The following SEMA3E variants were observed in gnomAD, a reference collection of about 807,000 sequenced individuals.
SEMA3E encodes semaphorin-3E.
SEMA3E carries 49 observed loss-of-function variants against 93.6 expected under a neutral mutation model. The ratio of observed to expected loss-of-function variants is 0.52; its 90% confidence interval spans 0.42 to 0.66. The LOEUF is 0.66. Among genes scored for constraint, SEMA3E ranks in the 30% least tolerant of loss-of-function variants. The pLI, the probability that SEMA3E is intolerant of heterozygous loss-of-function variation, is 0.00. For missense variants in SEMA3E, 906 were observed against 964.8 expected (o/e 0.94, Z 0.81); for synonymous variants, 363 against 330.7 (o/e 1.10, Z -1.06).
chr7:83,440,924 G>A (rs745364278), intron 4 of SEMA3E, among the ~76,000 whole-genome samples: 3 of 152,122 alleles, frequency 2.0e-5, no homozygotes, highest in Non-Finnish European at 2.9e-5. Context: ...AGACTGAGAA[G>A]TTATATTAGA....
At chr7:83,613,702 A>C (rs1227950059) in intron 1 of SEMA3E, among the ~76,000 whole-genome samples, 1 of 152,104 alleles carries the variant, frequency 6.6e-6, no homozygotes, top group Non-Finnish European at 1.5e-5. Context: ...AAAAATAATA[A>C]ACTTAAAACA....
At chr7:83,387,836 AACG>A (rs1787910650) in intron 14 of SEMA3E, among the ~76,000 whole-genome samples, 1 of 142,488 alleles carries the variant, frequency 7.0e-6, no homozygotes, top group Non-Finnish European at 1.5e-5. Context: ...ATATATATAT[AACG>A]TTATATATAT....
chr7:83,385,299 C>G lies in SEMA3E; in HGVS notation c.1870G>C (p.Glu624Gln). The G allele has an allele frequency of 6.2e-7, 1 of 1,613,162 alleles. No individual in the cohort carries two copies. Among genetic ancestry groups the G allele is most frequent in the Non-Finnish European group, 8.5e-7 (1 of 1,179,382 alleles). Reference sequence around the variant, plus strand: ...AATATGCAGCTATGAATTACCTCCTCTTTTCTTGTCTCACGTCCTTTCTGT... The same window carrying G: ...AATATGCAGCTATGAATTACCTCCTGTTTTCTTGTCTCACGTCCTTTCTGT... ...FVQKGRETRK[E>Q]EVKTDDRVVK... The change falls in exon 16 of 17, where the codon GAG (glutamate) becomes CAG (glutamine). Residue 624 changes from glutamate to glutamine, a missense_variant. Coordinates refer to ENST00000643230, the MANE Select transcript of SEMA3E (RefSeq NM_012431.3).
At chr7:83,427,294 A>G (rs1472652024) in intron 4 of SEMA3E, among the ~76,000 whole-genome samples, 1 of 151,614 alleles carries the variant, frequency 6.6e-6, no homozygotes, top group Non-Finnish European at 1.5e-5. Flanking sequence ...ATTTTTATCA[A>G]ATTACTGACT....
At chr7:83,556,388 G>C (rs1791889087) in intron 1 of SEMA3E, among the ~76,000 whole-genome samples, 2 of 152,024 alleles carry the variant, frequency 1.3e-5, no homozygotes, top group South Asian at 4.2e-4. Flanking sequence ...GCTATATATG[G>C]AGCCCCTTAT....
chr7:83,591,477 T>C (rs898146985), intron 1 of SEMA3E, among the ~76,000 whole-genome samples: 5 of 151,768 alleles, frequency 3.3e-5, no homozygotes, highest in Non-Finnish European at 5.9e-5. Context: ...GATGATACAA[T>C]ATTAACAAAA....
intron 1 of SEMA3E, among the ~76,000 whole-genome samples, chr7:83,565,615 A>G (rs1250020787): frequency 6.6e-6 from 1 of 152,230 alleles, no homozygotes; most frequent in Non-Finnish European, 1.5e-5. Flanking sequence ...CTGATCTTTT[A>G]TCAATTTGTA....
At chr7:83,591,811 T>A (rs215312) in intron 1 of SEMA3E, among the ~76,000 whole-genome samples, 86,604 of 151,812 alleles carry the variant, frequency 0.57, 26,374 homozygotes, top group African/African-American at 0.79. Flanking sequence ...AAGAAACAAA[T>A]CTAGAGCTCT....
chr7:83,447,222 T>C (rs1169184690), intron 4 of SEMA3E, among the ~76,000 whole-genome samples: 1 of 152,134 alleles, frequency 6.6e-6, no homozygotes, highest in Non-Finnish European at 1.5e-5. Context: ...TATGAGAATA[T>C]GGGTGGACAT....
intron 1 of SEMA3E, among the ~76,000 whole-genome samples, chr7:83,514,558 C>T (rs113008190): frequency 6.6e-6 from 1 of 151,880 alleles, no homozygotes; most frequent in Admixed American, 6.6e-5. Flanking sequence ...AAGATAAAAT[C>T]TTTGTTGTTT....
In SEMA3E at chr7:83,613,286, C is replaced by A. The variant is rs144859269; in HGVS notation, c.115+35142G>T. On this transcript the variant is annotated intron_variant, in intron 1 of 16. Coordinates refer to ENST00000643230, the MANE Select transcript of SEMA3E (RefSeq NM_012431.3). ...CTCCTGTCAGTAAGAAAATGACATA[C>A]AGAAAAGAAAATCTAAAAATATACA... Among the ~76,000 whole-genome samples the A allele has an allele frequency of 2.1e-3, 320 of 152,030 alleles. 2 individuals carry two copies. The highest frequency in any genetic ancestry group is 7.5e-3 in the African/African-American group (311 of 41,498).
chr7:83,477,959 T>C (rs1380133957), intron 2 of SEMA3E, among the ~76,000 whole-genome samples: 1 of 151,914 alleles, frequency 6.6e-6, no homozygotes, highest in Admixed American at 6.6e-5. Context: ...TCACTCTTAT[T>C]GCTCAGGCTG....
intron 4 of SEMA3E, among the ~76,000 whole-genome samples, chr7:83,440,387 T>C (rs537022370): frequency 6.6e-6 from 1 of 152,164 alleles, no homozygotes; most frequent in South Asian, 2.1e-4. Context: ...ACCTACCAAT[T>C]GGCTAAGAGT....
At chr7:83,481,324 C>G (rs1562801039) in intron 2 of SEMA3E, among the ~76,000 whole-genome samples, 1 of 151,736 alleles carries the variant, frequency 6.6e-6, no homozygotes, top group Non-Finnish European at 1.5e-5. Flanking sequence ...TTAGTTCAGC[C>G]CAAGGTCTTT....
chr7:83,482,743 C>T (rs985120922), intron 2 of SEMA3E, among the ~76,000 whole-genome samples: 10 of 151,796 alleles, frequency 6.6e-5, no homozygotes, highest in African/African-American at 1.9e-4. Flanking sequence ...AACTGACAGC[C>T]GAACAGCCAA....
chr7:83,527,186 G>A (rs994513578), intron 1 of SEMA3E, among the ~76,000 whole-genome samples: 1 of 105,182 alleles, frequency 9.5e-6, no homozygotes, highest in African/African-American at 2.6e-5. Flanking sequence ...AAGAAGTGGG[G>A]GGGAAAAAAA....
chr7:83,448,107 C>T (rs1789273359), intron 4 of SEMA3E, among the ~76,000 whole-genome samples: 1 of 152,152 alleles, frequency 6.6e-6, no homozygotes, highest in African/African-American at 2.4e-5. Context: ...TGACAAAATT[C>T]ATCTTGCCAG....
At chr7:83,380,790 C>T (rs966671152) in intron 16 of SEMA3E, among the ~76,000 whole-genome samples, 21 of 151,824 alleles carry the variant, frequency 1.4e-4, no homozygotes, top group African/African-American at 4.6e-4. Flanking sequence ...AAGTAGGCTC[C>T]GAGTAGATAT....
intron 1 of SEMA3E, among the ~76,000 whole-genome samples, chr7:83,539,453 G>A (rs138663385): frequency 0.011 from 1,733 of 152,192 alleles, 31 homozygotes; most frequent in African/African-American, 0.039. Flanking sequence ...TATGTAGAGC[G>A]CCAATTTGTC....
Sources: allele counts gnomAD v4.1 joint callset (sites outside exome capture counted in the v4.1 genomes callset), GRCh38; gene constraint gnomAD v4.1.1; transcripts MANE v1.5; gene names NCBI Gene and HGNC (gene_info 2026-07-23, HGNC 2026-07-21).